The following EPM2A variants were observed in gnomAD, a reference collection of about 807,000 sequenced individuals.
EPM2A encodes the protein EPM2A glucan phosphatase, laforin.
In EPM2A, 21 loss-of-function variants were observed where a neutral mutation model predicts 26.5. That is an observed-to-expected ratio of 0.79 (90% CI 0.56 to 1.14). EPM2A has a LOEUF of 1.14. Among genes scored for constraint, EPM2A ranks in the 50% most tolerant of loss-of-function variants. The pLI, the probability that EPM2A is intolerant of heterozygous loss-of-function variation, is 0.00. For missense variants in EPM2A, 458 were observed against 440.8 expected, an observed-to-expected ratio of 1.04 and a Z score of -0.35; for synonymous variants, 217 against 177.6, an observed-to-expected ratio of 1.22 and a Z score of -1.76.
rs9497362 is a variant in EPM2A, at chr6:145,597,208, T to C, written c.340+38037A>G. 8.5e-3 allele frequency among the ~76,000 whole-genome samples: 1,294 copies of C among 152,264 alleles called. 20 individuals carry two copies. The highest frequency in any genetic ancestry group is 0.03 in the African/African-American group (1,240 of 41,548). ...CGCGCCCGGCCTCTCCGAGATCTTA[T>C]ACCTTCTTCATTCTGGTTTATTCAC... On this transcript the variant is annotated intron_variant, in intron 2 of 3. Transcript: ENST00000450221.
At chr6:145,432,310 C>A (rs1157671769) in intron 4 of EPM2A, among the ~76,000 whole-genome samples, 3 of 152,180 alleles carry the variant, frequency 2.0e-5, no homozygotes, top group East Asian at 3.8e-4. Context: ...TACTCACTAT[C>A]TATGGCAGCT....
intron 2 of EPM2A, among the ~76,000 whole-genome samples, chr6:145,592,935 G>T (rs984981621): frequency 6.6e-6 from 1 of 151,902 alleles, no homozygotes; most frequent in Non-Finnish European, 1.5e-5. Context: ...AACAAATATA[G>T]CAGATATTAA....
At chr6:145,404,890 G>A (rs946453721) in intron 4 of EPM2A, among the ~76,000 whole-genome samples, 2 of 152,022 alleles carry the variant, frequency 1.3e-5, no homozygotes, top group Non-Finnish European at 2.9e-5. Flanking sequence ...TAAATAACCT[G>A]GAAGTGTGAT....
intron 2 of EPM2A, among the ~76,000 whole-genome samples, chr6:145,664,741 A>G (rs1232209539): frequency 2.0e-5 from 3 of 152,106 alleles, no homozygotes; most frequent in Admixed American, 6.5e-5. Flanking sequence ...TACCTATTCC[A>G]AAATTGACCA....
intron 2 of EPM2A, among the ~76,000 whole-genome samples, chr6:145,615,358 A>C (rs1459716090): frequency 6.6e-6 from 1 of 152,126 alleles, no homozygotes; most frequent in Non-Finnish European, 1.5e-5. Flanking sequence ...TTCTGCCATG[A>C]TTGTGAGGCC....
intron 4 of EPM2A, among the ~76,000 whole-genome samples, chr6:145,407,674 T>G (rs945787238): frequency 6.6e-6 from 1 of 152,194 alleles, no homozygotes; most frequent in Non-Finnish European, 1.5e-5. Context: ...TTTATAGCTT[T>G]AAATAAATTT....
intron 4 of EPM2A, among the ~76,000 whole-genome samples, chr6:145,415,055 A>G (rs969663602): frequency 6.6e-5 from 10 of 152,154 alleles, no homozygotes; most frequent in African/African-American, 2.4e-4. Flanking sequence ...AAACTGGATC[A>G]TGCTCTGACC....
rs374826256 is a variant in EPM2A, at chr6:145,735,264, C to G, written c.235G>C (p.Gly79Arg). 98 of 1,517,924 alleles carry G rather than the reference C, an allele frequency of 6.5e-5. No individual in the cohort carries two copies. The African/African-American group carries it at 1.3e-3, about 19-fold the overall frequency. 94.0% of individuals were successfully genotyped at this position (1,517,924 alleles called of 1,614,324 possible). Residue 79 changes from glycine to arginine, a missense_variant, in exon 1 of 4, where the codon GGC (glycine) becomes CGC (arginine). Physicochemically the swap from Gly to Arg is moderately radical, Grantham distance 125. Coordinates refer to ENST00000367519, the MANE Select transcript of EPM2A (RefSeq NM_005670.4). ...TTGTACCAGAACGTGTCCACGCGGCCCGGCTCCGCCCCGTCCTGCGCCGCC... is the reference window on the plus strand; with the variant it reads ...TTGTACCAGAACGTGTCCACGCGGCGCGGCTCCGCCCCGTCCTGCGCCGCC... ...EEAAQDGAEP[G>R]RVDTFWYKFL...
At chr6:145,644,608 A>G (rs1777324635) in intron 2 of EPM2A, among the ~76,000 whole-genome samples, 1 of 152,164 alleles carries the variant, frequency 6.6e-6, no homozygotes, top group Non-Finnish European at 1.5e-5. Flanking sequence ...AAAGACAAAG[A>G]AACACTTCCT....
chr6:145,670,048 T>C (rs1451646558), intron 2 of EPM2A, among the ~76,000 whole-genome samples: 1 of 152,212 alleles, frequency 6.6e-6, no homozygotes, highest in South Asian at 2.1e-4. Flanking sequence ...ATGAATCGTT[T>C]ATTCTCCTGG....
intron 2 of EPM2A, among the ~76,000 whole-genome samples, chr6:145,516,230 C>G (rs1236533447): frequency 6.6e-6 from 1 of 152,134 alleles, no homozygotes; most frequent in African/African-American, 2.4e-5. Context: ...TGAAGATGGA[C>G]AGTAAAGCAT....
chr6:145,631,227 C>T (rs1562418599), intron 3 of EPM2A: 1 of 151,916 alleles, frequency 6.6e-6, no homozygotes, highest in Non-Finnish European at 1.5e-5. Context: ...AAAAGAGGGT[C>T]CCCAGGAAGG....
chr6:145,439,224 T>G (rs1562335058), intron 4 of EPM2A, among the ~76,000 whole-genome samples: 1 of 152,230 alleles, frequency 6.6e-6, no homozygotes, highest in Non-Finnish European at 1.5e-5. Context: ...GATGGGCTTT[T>G]AGGTTTATTC....
intron 1 of EPM2A, among the ~76,000 whole-genome samples, chr6:145,691,748 T>C (rs1029378339): frequency 2.6e-5 from 4 of 152,096 alleles, no homozygotes; most frequent in South Asian, 2.1e-4. Context: ...ATAATGTATA[T>C]AGAAATTCTA....
chr6:145,702,749 A>G (rs750971122), intron 1 of EPM2A, among the ~76,000 whole-genome samples: 3 of 152,196 alleles, frequency 2.0e-5, no homozygotes, highest in Admixed American at 2.0e-4. Context: ...CAAGACCATA[A>G]TAACAGTAAC....
At chr6:145,676,573 C>A (rs1780058750) in intron 2 of EPM2A, among the ~76,000 whole-genome samples, 3 of 151,854 alleles carry the variant, frequency 2.0e-5, no homozygotes, top group Admixed American at 2.0e-4. Flanking sequence ...CAAATAGACA[C>A]AACAAAAAAA....
downstream of EPM2A, among the ~76,000 whole-genome samples, chr6:145,622,913 C>A (rs147766109): frequency 1.7e-3 from 254 of 152,310 alleles, 1 homozygote; most frequent in African/African-American, 5.9e-3. Context: ...CTTATTCCAC[C>A]AAATCAGAAG....
intron 4 of EPM2A, among the ~76,000 whole-genome samples, chr6:145,495,878 G>A (rs902773535): frequency 6.6e-6 from 1 of 152,152 alleles, no homozygotes; most frequent in African/African-American, 2.4e-5. Context: ...CCTGGCCTAT[G>A]TGGCTGCTTT....
intron 4 of EPM2A, among the ~76,000 whole-genome samples, chr6:145,475,960 A>G (rs933283093): frequency 1.3e-5 from 2 of 152,098 alleles, no homozygotes; most frequent in Non-Finnish European, 2.9e-5. Flanking sequence ...AATGGACTAA[A>G]CCCTTCAATC....
Sources: gnomAD v4.1 joint callset for allele counts (sites outside exome capture counted in the v4.1 genomes callset) on GRCh38, gnomAD v4.1.1 for gene constraint, MANE v1.5 for transcripts, NCBI Gene and HGNC (gene_info 2026-07-23, HGNC 2026-07-21) for gene names.